Variants in OR2L13 observed in about 807,000 individuals in gnomAD.
The protein encoded by OR2L13 is olfactory receptor 2L13.
In OR2L13, 14 loss-of-function variants were observed where a neutral mutation model predicts 15.3. The ratio of observed to expected loss-of-function variants is 0.91; its 90% CI spans 0.60 to 1.43. The LOEUF is 1.43. Ranked by LOEUF, OR2L13 falls within the 40% of genes most tolerant of loss-of-function variation. The pLI is 0.00. For synonymous variants in OR2L13, 152 were observed against 142.9 expected (o/e 1.06, Z -0.45); for missense variants, 367 against 387.9 (o/e 0.95, Z 0.45).
the OR2L13 span, chr1:248,022,865 T>A: frequency 2.5e-6 from 4 of 1,608,790 alleles, no homozygotes; most frequent in East Asian, 2.2e-5. Context: ...TGATTCAGAA[T>A]ATCTTCTCGG....
chr1:247,951,439 A>G, the OR2L13 span, among the ~76,000 whole-genome samples: 3,706 of 152,208 alleles, frequency 0.024, 58 homozygotes, highest in East Asian at 0.036. Context: ...ATTCTTCTTC[A>G]TTTCCTTTCA....
the OR2L13 span, chr1:248,003,489 T>C: frequency 1.9e-6 from 3 of 1,609,940 alleles, no homozygotes; most frequent in South Asian, 3.3e-5. Flanking sequence ...ATGGCCTATG[T>C]TCGTTGCATT....
chr1:248,042,639 C>T, the OR2L13 span, among the ~76,000 whole-genome samples: 2 of 152,152 alleles, frequency 1.3e-5, no homozygotes, highest in African/African-American at 4.8e-5. Context: ...CAGACCATCA[C>T]ATGTCACATA....
At chr1:248,026,409 TG>T in the OR2L13 span, among the ~76,000 whole-genome samples, 2 of 152,238 alleles carry the variant, frequency 1.3e-5, no homozygotes, top group African/African-American at 4.8e-5. Flanking sequence ...GGAACTTTCC[TG>T]GAGAGAATCC....
At chr1:247,952,870 C>G in the OR2L13 span, among the ~76,000 whole-genome samples, 2 of 152,272 alleles carry the variant, frequency 1.3e-5, no homozygotes, top group Non-Finnish European at 2.9e-5. Flanking sequence ...ATCATTCCAT[C>G]TCTCTGAAGT....
the OR2L13 span, among the ~76,000 whole-genome samples, chr1:248,015,030 G>A: frequency 0.076 from 11,608 of 152,106 alleles, 530 homozygotes; most frequent in East Asian, 0.15. Context: ...ACTTACCTAT[G>A]TATCTATCTA....
the OR2L13 span, among the ~76,000 whole-genome samples, chr1:247,985,937 A>C: frequency 7.9e-5 from 12 of 151,912 alleles, no homozygotes; most frequent in African/African-American, 2.9e-4. Context: ...CATATCTTTC[A>C]CCCACTTTTT....
the OR2L13 span, among the ~76,000 whole-genome samples, chr1:248,082,423 C>T: frequency 1.1e-4 from 16 of 146,310 alleles, no homozygotes; most frequent in African/African-American, 3.0e-4. Flanking sequence ...GGGTGCAGCG[C>T]ACCAGCATGG....
chr1:248,056,462 T>A, the OR2L13 span, among the ~76,000 whole-genome samples: 7 of 152,158 alleles, frequency 4.6e-5, no homozygotes, highest in African/African-American at 1.7e-4. Context: ...CGATGTGAGA[T>A]CTTTCTAGCT....
the OR2L13 span, among the ~76,000 whole-genome samples, chr1:247,947,880 A>G: frequency 6.6e-6 from 1 of 152,240 alleles, no homozygotes; most frequent in Non-Finnish European, 1.5e-5. Context: ...CAAGTTTCTC[A>G]AAATGAGAGA....
the OR2L13 span, chr1:247,965,535 C>G: frequency 6.2e-7 from 1 of 1,612,800 alleles, no homozygotes; most frequent in South Asian, 1.1e-5. Context: ...GACTGAACAC[C>G]AGACTCCACA....
At chr1:248,024,653 T>C in the OR2L13 span, among the ~76,000 whole-genome samples, 56 of 152,294 alleles carry the variant, frequency 3.7e-4, no homozygotes, top group Non-Finnish European at 7.4e-4. Flanking sequence ...GCACCATTGA[T>C]TAAATAGGGA....
chr1:248,101,028 C>T (rs1045238934), exon 3 of OR2L13: 2 of 152,082 alleles, frequency 1.3e-5, no homozygotes, highest in Non-Finnish European at 2.9e-5. Flanking sequence ...TAAAACTATT[C>T]AGGGAGAGCT....
the OR2L13 span, among the ~76,000 whole-genome samples, chr1:248,088,216 A>G: frequency 6.6e-6 from 1 of 152,054 alleles, no homozygotes; most frequent in African/African-American, 2.4e-5. Context: ...CATCTGAATC[A>G]CTCAGAATAC....
chr1:247,946,232 C>T, the OR2L13 span, among the ~76,000 whole-genome samples: 2 of 152,058 alleles, frequency 1.3e-5, no homozygotes, highest in African/African-American at 2.4e-5. Flanking sequence ...TTGTTTATTG[C>T]TTATCCTAAG....
exon 3 of OR2L13, chr1:248,099,721 T>A: frequency 1.9e-6 from 3 of 1,614,088 alleles, no homozygotes; most frequent in Non-Finnish European, 2.5e-6. Flanking sequence ...ACTCCTGACC[T>A]CCATGGCCTA....
the OR2L13 span, among the ~76,000 whole-genome samples, chr1:248,033,127 A>T: frequency 1.3e-5 from 2 of 152,232 alleles, no homozygotes; most frequent in Non-Finnish European, 2.9e-5. Context: ...GATGAAACCC[A>T]TCATAAATCG....
At chr1:248,061,586 G>T in the OR2L13 span, 2 of 1,612,780 alleles carry the variant, frequency 1.2e-6, no homozygotes, top group Non-Finnish European at 1.7e-6. Context: ...GCCCTGACAC[G>T]AGTGAGTCAG....
chr1:247,991,459 C>T, the OR2L13 span, among the ~76,000 whole-genome samples: 1 of 149,184 alleles, frequency 6.7e-6, no homozygotes, highest in African/African-American at 2.5e-5. Context: ...TAAAAGTTTA[C>T]CTCAGGATAA....
Sources: allele counts gnomAD v4.1 joint callset (sites outside exome capture counted in the v4.1 genomes callset), GRCh38; gene constraint gnomAD v4.1.1; transcripts MANE v1.5; gene names NCBI Gene and HGNC (gene_info 2026-07-23, HGNC 2026-07-21).